The following DMTF1 variants were observed in gnomAD, a reference collection of about 807,000 sequenced individuals.
DMTF1 encodes the protein cyclin D binding myb like transcription factor 1.
DMTF1 carries 39 observed loss-of-function variants against 91.1 expected under a neutral mutation model. The observed-to-expected ratio is 0.43, with a 90% CI of 0.33 to 0.56. The LOEUF (loss-of-function observed/expected upper bound fraction) is 0.56, where lower values mean the gene tolerates loss of function less well. Among genes scored for constraint, DMTF1 ranks in the 20% least tolerant of loss-of-function variants. DMTF1 has a pLI of 0.05. For synonymous variants in DMTF1, 338 were observed against 309.5 expected, an observed-to-expected ratio of 1.09 and a Z score of -0.97; for missense variants, 750 against 914.5, an observed-to-expected ratio of 0.82 and a Z score of 2.32.
rs1798889629 is a variant in DMTF1, at chr7:87,188,201, G to A, written c.1311G>A (p.Val437=). The A allele has an allele frequency of 6.2e-7, 1 of 1,614,022 alleles. No individual in the cohort carries two copies. The highest frequency in any genetic ancestry group is 1.3e-5 in the African/African-American group (1 of 75,040). ...CAAACAGTAATACCAATTCCAGTGT[G>A]CAGCATGTTCAGATAAGAGTTGCCC... ...GVPNSNTNSS[V]QHVQIRVARL... is the part of the protein sequence containing the mutation. The change falls in exon 13 of 18, where the codon GTG becomes GTA. Residue 437 remains valine (V), a synonymous_variant. Coordinates refer to ENST00000331242, the MANE Select transcript of DMTF1 (RefSeq NM_001142327.2).
intron 1 of DMTF1, among the ~76,000 whole-genome samples, chr7:87,157,514 T>C (rs979881934): frequency 6.6e-6 from 1 of 152,052 alleles, no homozygotes; most frequent in African/African-American, 2.4e-5. Flanking sequence ...TTGATTCTGG[T>C]TTTTAGAAGA....
At chr7:87,153,065 T>A (rs1025214553) in intron 1 of DMTF1, 5 of 151,882 alleles carry the variant, frequency 3.3e-5, no homozygotes, top group Non-Finnish European at 7.4e-5. Flanking sequence ...GTCGAGAGAG[T>A]GGGGGTGGGT....
chr7:87,161,090 G>T (rs954195598), intron 1 of DMTF1, among the ~76,000 whole-genome samples: 1 of 151,868 alleles, frequency 6.6e-6, no homozygotes, highest in Non-Finnish European at 1.5e-5. Context: ...TTTGAATCTT[G>T]AACTGTGTGT....
intron 1 of DMTF1, among the ~76,000 whole-genome samples, chr7:87,156,917 A>G (rs571941051): frequency 2.2e-4 from 34 of 152,288 alleles, no homozygotes; most frequent in African/African-American, 8.2e-4. Flanking sequence ...TACGAATTAG[A>G]TAAATTTAGA....
In DMTF1 at chr7:87,194,026, CAGA is replaced by C. The variant is rs527420097; in HGVS notation, c.1960_1962del (p.Glu654del). On this transcript the variant is annotated inframe_deletion, in exon 16 of 18. Transcript: ENST00000331242. ...CTGATGAATAGTGTTATGGTCAGAA[CAGA>C]AGAAGAAATCTCTGACACCGACCTT... 422 of 1,612,962 alleles carry C rather than the reference CAGA, an allele frequency of 2.6e-4. 2 individuals are homozygous for C. In the East Asian group the frequency reaches 3.2e-3, roughly 12 times the overall value.
At chr7:87,192,947 C>T in intron 14 of DMTF1, 1 of 410,154 alleles carries the variant, frequency 2.4e-6, no homozygotes, top group Non-Finnish European at 4.4e-6. Flanking sequence ...GAAACAGTGG[C>T]TCATACAACT....
chr7:87,185,404 A>G (rs566367748), intron 11 of DMTF1, among the ~76,000 whole-genome samples: 146 of 152,200 alleles, frequency 9.6e-4, no homozygotes, highest in Non-Finnish European at 1.6e-3. Flanking sequence ...TCAACTAGTC[A>G]TCTTTATAAA....
chr7:87,156,644 T>C (rs896131587), intron 1 of DMTF1, among the ~76,000 whole-genome samples: 2 of 152,170 alleles, frequency 1.3e-5, no homozygotes, highest in African/African-American at 4.8e-5. Context: ...TCTATGACCT[T>C]ACCTCTTGTC....
intron 13 of DMTF1, among the ~76,000 whole-genome samples, chr7:87,190,552 T>C (rs1378986781): frequency 3.3e-5 from 5 of 152,200 alleles, no homozygotes; most frequent in Non-Finnish European, 7.4e-5. Context: ...TAGCAAACCT[T>C]TTCTATAAAG....
intron 6 of DMTF1, 132 bp downstream of exon 6, chr7:87,173,781 T>C (rs1245088893): frequency 2.4e-6 from 1 of 415,920 alleles, no homozygotes; most frequent in East Asian, 3.9e-5. Context: ...CTTTTCTAAC[T>C]GAATTAAATT....
At position 87,164,940 on chromosome 7, in the gene DMTF1, G is replaced by T. The variant is rs1441635634; in HGVS notation, c.-2G>T. On this transcript the variant is annotated 5_prime_UTR_variant, in exon 3 of 18. Coordinates refer to ENST00000331242, the MANE Select transcript of DMTF1 (RefSeq NM_001142327.2). ...GGAATCTGTTCTTGTACAGATTTGA[G>T]TATGAGCACAGTGGAAGAGGATTCT... 1 of 1,597,360 alleles carries T rather than the reference G, an allele frequency of 6.3e-7. No homozygotes were observed. Among genetic ancestry groups the T allele is most frequent in the Non-Finnish European group, 8.5e-7 (1 of 1,169,976 alleles).
chr7:87,174,589 A>G lies in DMTF1; in HGVS notation c.443-4A>G. 1.9e-6 allele frequency: 3 copies of G among 1,592,894 alleles called. No homozygotes were observed. Among genetic ancestry groups the G allele is most frequent in the Non-Finnish European group, 2.6e-6 (3 of 1,165,556 alleles). ...TTTATAACATTACTTGTTTTCTTTT[A>G]AAGGACATAAATGGAAGCAGGGGAT... On this transcript the variant is annotated splice_polypyrimidine_tract_variant and splice_region_variant and intron_variant, in intron 6 of 17. Transcript: ENST00000331242.
intron 4 of DMTF1, 30 bp downstream of exon 4, chr7:87,166,635 G>T: frequency 7.8e-7 from 1 of 1,278,770 alleles, no homozygotes. Flanking sequence ...GAGCCATAGA[G>T]TTCCCTTTTA....
At chr7:87,192,668 T>G (rs1350272672) in intron 14 of DMTF1, 1 of 152,208 alleles carries the variant, frequency 6.6e-6, no homozygotes, top group African/African-American at 2.4e-5. Context: ...TTTATTATAC[T>G]TCCTTTAAAA....
At chr7:87,176,404 CTGAACTT>C (rs1038363678) in intron 7 of DMTF1, among the ~76,000 whole-genome samples, 20 of 152,288 alleles carry the variant, frequency 1.3e-4, no homozygotes, top group African/African-American at 4.8e-4. Context: ...CTAAGGAACA[CTGAACTT>C]TGAGAATTAA....
chr7:87,162,687 G>T (rs1792776429), intron 1 of DMTF1: 1 of 152,120 alleles, frequency 6.6e-6, no homozygotes, highest in African/African-American at 2.4e-5. Context: ...ATAGCTTAAT[G>T]GTTCTCCAGC....
chr7:87,179,918 C>T (rs1257985278), intron 8 of DMTF1, among the ~76,000 whole-genome samples: 1 of 152,084 alleles, frequency 6.6e-6, no homozygotes, highest in Non-Finnish European at 1.5e-5. Context: ...AGATTTAAGA[C>T]TTGGCTTACT....
At chr7:87,168,518 G>T (rs1235568653) in intron 4 of DMTF1, among the ~76,000 whole-genome samples, 2 of 152,052 alleles carry the variant, frequency 1.3e-5, no homozygotes, top group South Asian at 2.1e-4. Context: ...CGTTTTCATT[G>T]TTCCTTCTCT....
chr7:87,166,189 A>T (rs1793784522), intron 3 of DMTF1, among the ~76,000 whole-genome samples: 1 of 152,158 alleles, frequency 6.6e-6, no homozygotes, highest in African/African-American at 2.4e-5. Context: ...TAAGCTTCTC[A>T]TACGTCTGTG....
Sources: gnomAD v4.1 joint callset for allele counts (sites outside exome capture counted in the v4.1 genomes callset) on GRCh38, gnomAD v4.1.1 for gene constraint, MANE v1.5 for transcripts, NCBI Gene and HGNC (gene_info 2026-07-23, HGNC 2026-07-21) for gene names.